The following KDM1A variants were observed in gnomAD, a reference collection of about 807,000 sequenced individuals.
The protein encoded by KDM1A is lysine-specific histone demethylase 1A.
In KDM1A, 49 loss-of-function variants were observed where a neutral mutation model predicts 109.4. The observed-to-expected ratio is 0.45, with a 90% confidence interval of 0.36 to 0.57. The LOEUF (loss-of-function observed/expected upper bound fraction) is 0.57. Among genes scored for constraint, KDM1A ranks in the 20% least tolerant of loss-of-function variants. KDM1A has a pLI of 0.00. For missense variants in KDM1A, 668 were observed against 1,116.6 expected (o/e 0.60, Z 5.73); for synonymous variants, 380 against 415.4 (o/e 0.91, Z 1.04).
intron 4 of KDM1A, among the ~76,000 whole-genome samples, chr1:23,053,470 C>T (rs951735808): frequency 6.6e-6 from 1 of 152,146 alleles, no homozygotes; most frequent in Non-Finnish European, 1.5e-5. Flanking sequence ...ACTGCAGCCT[C>T]GACGTCCCGG....
chr1:23,061,392 A>G (rs1642996864), intron 9 of KDM1A, among the ~76,000 whole-genome samples: 1 of 152,200 alleles, frequency 6.6e-6, no homozygotes, highest in African/African-American at 2.4e-5. Flanking sequence ...TTTTGAATGC[A>G]GGGATATTTT....
intron 9 of KDM1A, among the ~76,000 whole-genome samples, chr1:23,063,226 GTGTGGGT>G (rs1356870297): frequency 2.3e-4 from 12 of 52,710 alleles, no homozygotes; most frequent in African/African-American, 6.5e-4. Context: ...GGGTGGGTGT[GTGTGGGT>G]GTGTGTGTGT....
At chr1:23,077,077 T>A in intron 15 of KDM1A, 151 bp from the exon 16 acceptor site, 2 of 602,644 alleles carry the variant, frequency 3.3e-6, no homozygotes, top group Non-Finnish European at 5.2e-6. Flanking sequence ...TTGGTAACTG[T>A]AGCTAAATAC....
Position 23,051,930 on chromosome 1 carries a change from A to G in KDM1A, c.711+1410A>G, listed in dbSNP as rs1642681592. 2.6e-5 allele frequency among the ~76,000 whole-genome samples: 4 copies of G among 152,224 alleles called. No individual in the cohort carries two copies. In the South Asian group the frequency reaches 8.3e-4, roughly 31 times the overall value. On this transcript the variant is annotated intron_variant, in intron 4 of 20. Transcript: ENST00000400181. ...GTGAAGAAAAGATGGTGAGTTTTTT[A>G]AAAAGTGAACAGAAAATTCTTAGTG...
intron 12 of KDM1A, 149 bp from the exon 13 acceptor site, chr1:23,071,076 A>G (rs937356565): frequency 1.5e-4 from 96 of 621,966 alleles, no homozygotes; most frequent in Middle Eastern, 4.1e-4. Flanking sequence ...GATGTAGGTT[A>G]GAACAAGTAC....
At chr1:23,035,670 A>T (rs1642122452) in intron 2 of KDM1A, among the ~76,000 whole-genome samples, 1 of 152,238 alleles carries the variant, frequency 6.6e-6, no homozygotes. Flanking sequence ...ATTAGTAAAA[A>T]TACTAAATTA....
chr1:23,074,658 G>T (rs1643411645), intron 15 of KDM1A, among the ~76,000 whole-genome samples: 1 of 152,108 alleles, frequency 6.6e-6, no homozygotes, highest in Non-Finnish European at 1.5e-5. Flanking sequence ...GTTATCCTGT[G>T]TTCTCCTGCA....
chr1:23,061,254 C>T (rs1642991654), intron 9 of KDM1A, among the ~76,000 whole-genome samples: 1 of 149,860 alleles, frequency 6.7e-6, no homozygotes, highest in Non-Finnish European at 1.5e-5. Flanking sequence ...CAGATGGTGA[C>T]TTTTTTTTTT....
At chr1:23,034,608 T>G (rs1642087834) in intron 2 of KDM1A, among the ~76,000 whole-genome samples, 1 of 152,198 alleles carries the variant, frequency 6.6e-6, no homozygotes, top group Non-Finnish European at 1.5e-5. Flanking sequence ...TTTTTTATTT[T>G]CACATGGAAA....
intron 15 of KDM1A, among the ~76,000 whole-genome samples, chr1:23,075,818 A>G (rs1026026553): frequency 5.3e-5 from 8 of 149,986 alleles, no homozygotes; most frequent in African/African-American, 2.0e-4. Context: ...GTGGTGGCGC[A>G]TGCCTGTAGT....
intron 9 of KDM1A, among the ~76,000 whole-genome samples, chr1:23,060,174 T>C (rs1200099083): frequency 6.6e-6 from 1 of 152,142 alleles, no homozygotes; most frequent in Admixed American, 6.5e-5. Context: ...AAGGATGAAA[T>C]AGAGATGAAC....
intron 9 of KDM1A, among the ~76,000 whole-genome samples, chr1:23,060,469 C>CATAAATA (rs1642967918): frequency 2.0e-5 from 3 of 151,938 alleles, no homozygotes; most frequent in African/African-American, 7.3e-5. Flanking sequence ...TATATTAATA[C>CATAAATA]CAGTAACATA....
intron 13 of KDM1A, 61 bp from the exon 14 acceptor site, chr1:23,072,063 A>G: frequency 9.8e-7 from 1 of 1,020,724 alleles, no homozygotes; most frequent in Non-Finnish European, 1.5e-6. Context: ...TTTGTGGTAC[A>G]AAGAAACTAG....
intron 2 of KDM1A, among the ~76,000 whole-genome samples, chr1:23,040,547 G>T (rs1642279875): frequency 6.6e-6 from 1 of 151,484 alleles, no homozygotes; most frequent in Non-Finnish European, 1.5e-5. Context: ...TCATAATCCT[G>T]TTGCTTTGAG....
At chr1:23,065,342 A>G (rs2124498834) in intron 9 of KDM1A, among the ~76,000 whole-genome samples, 1 of 152,360 alleles carries the variant, frequency 6.6e-6, no homozygotes, top group Non-Finnish European at 1.5e-5. Flanking sequence ...AATATTTCTA[A>G]CTAGCTTGTT....
intron 12 of KDM1A, among the ~76,000 whole-genome samples, chr1:23,069,822 G>T (rs1643266622): frequency 6.6e-6 from 1 of 152,226 alleles, no homozygotes; most frequent in Admixed American, 6.5e-5. Flanking sequence ...AGAGCCCCAG[G>T]CTCCAGCGCA....
intron 2 of KDM1A, among the ~76,000 whole-genome samples, chr1:23,035,546 G>A (rs1642119329): frequency 1.3e-5 from 2 of 152,122 alleles, no homozygotes. Flanking sequence ...TGAGAGAATG[G>A]TAAGATAAGA....
chr1:23,075,514 T>C (rs929131794), intron 15 of KDM1A, among the ~76,000 whole-genome samples: 1 of 150,108 alleles, frequency 6.7e-6, no homozygotes, highest in Non-Finnish European at 1.5e-5. Flanking sequence ...GAGGCTGCAG[T>C]GAGCGGAGAT....
chr1:23,081,610 T>C, intron 19 of KDM1A, 37 bp downstream of exon 19: 1 of 1,611,824 alleles, frequency 6.2e-7, no homozygotes. Context: ...GATCTAGGGT[T>C]CAGACTCAAC....
Sources: allele counts gnomAD v4.1 joint callset (sites outside exome capture counted in the v4.1 genomes callset), GRCh38; gene constraint gnomAD v4.1.1; transcripts MANE v1.5; gene names NCBI Gene and HGNC (gene_info 2026-07-23, HGNC 2026-07-21).